The following NIPAL2 variants were observed in gnomAD, a reference collection of about 807,000 sequenced individuals.
The protein encoded by NIPAL2 is NIPA like domain containing 2.
In NIPAL2, 43 loss-of-function variants were observed where a neutral mutation model predicts 48.9. The ratio of observed to expected loss-of-function variants is 0.88; its 90% CI spans 0.69 to 1.13. The LOEUF (loss-of-function observed/expected upper bound fraction) is 1.13. Ranked by LOEUF, NIPAL2 falls within the 50% of genes most tolerant of loss-of-function variation. NIPAL2 has a pLI of 0.00. For synonymous variants in NIPAL2, 167 were observed against 174.6 expected, an observed-to-expected ratio of 0.96 and a Z score of 0.34; for missense variants, 446 against 461.4, an observed-to-expected ratio of 0.97 and a Z score of 0.31.
intron 1 of NIPAL2, among the ~76,000 whole-genome samples, chr8:98,285,503 G>C (rs1434638846): frequency 6.6e-6 from 1 of 152,084 alleles, no homozygotes; most frequent in Non-Finnish European, 1.5e-5. Context: ...TTCTTCCAGG[G>C]GGGTGAAAGG....
chr8:98,208,127 A>G (rs903403455), intron 6 of NIPAL2, among the ~76,000 whole-genome samples: 3 of 152,288 alleles, frequency 2.0e-5, no homozygotes, highest in Non-Finnish European at 4.4e-5. Flanking sequence ...ACAGTGCTCA[A>G]TTGCACAGAT....
intron 8 of NIPAL2, among the ~76,000 whole-genome samples, chr8:98,200,686 T>A (rs1810756735): frequency 6.6e-6 from 1 of 152,228 alleles, no homozygotes; most frequent in African/African-American, 2.4e-5. Context: ...TTTAATTTTT[T>A]GAGGAACTGC....
chr8:98,243,086 AG>A, intron 3 of NIPAL2, among the ~76,000 whole-genome samples: 1 of 152,308 alleles, frequency 6.6e-6, no homozygotes, highest in Middle Eastern at 3.4e-3. Flanking sequence ...ACCTTCTTCT[AG>A]TGTTTCCTTT....
intron 3 of NIPAL2, among the ~76,000 whole-genome samples, chr8:98,242,192 T>C (rs915371511): frequency 6.6e-6 from 1 of 152,194 alleles, no homozygotes; most frequent in Non-Finnish European, 1.5e-5. Context: ...AAAAGTTCTT[T>C]TTTTTGAGAC....
At chr8:98,233,769 A>G (rs1270247151) in intron 4 of NIPAL2, among the ~76,000 whole-genome samples, 1 of 152,206 alleles carries the variant, frequency 6.6e-6, no homozygotes, top group East Asian at 1.9e-4. Flanking sequence ...TACAACTTGC[A>G]TTTATTTTTT....
rs1196434027 is a variant in NIPAL2 at position 98,262,057 on chromosome 8, A to C, written c.136-7970T>G. On this transcript the variant is annotated intron_variant, in intron 1 of 10. Coordinates refer to ENST00000430223, the MANE Select transcript of NIPAL2 (RefSeq NM_001321635.2). Reference sequence around the variant, plus strand: ...TTCATAAGCGAAGGAGAAATAAAATACTTTACAGACAAGCAAATGCTGAGA... The same window carrying C: ...TTCATAAGCGAAGGAGAAATAAAATCCTTTACAGACAAGCAAATGCTGAGA... Among the ~76,000 whole-genome samples, 37 of 133,390 alleles carry C rather than the reference A, an allele frequency of 2.8e-4. No homozygotes were observed. The East Asian group carries it at 2.8e-3, about 10-fold the overall frequency. 87.5% of individuals were successfully genotyped at this position (133,390 alleles called of 152,430 possible).
intron 3 of NIPAL2, among the ~76,000 whole-genome samples, chr8:98,237,865 C>T (rs1190336277): frequency 6.6e-6 from 1 of 152,184 alleles, no homozygotes; most frequent in Admixed American, 6.5e-5. Flanking sequence ...TTTCACTACA[C>T]CTAAGATTTA....
At chr8:98,223,230 G>A (rs992517484) in intron 4 of NIPAL2, among the ~76,000 whole-genome samples, 5 of 152,124 alleles carry the variant, frequency 3.3e-5, no homozygotes, top group African/African-American at 1.2e-4. Flanking sequence ...AGAATTCCAA[G>A]GTTAGCTTAG....
chr8:98,246,675 G>A (rs1413737307), intron 3 of NIPAL2, among the ~76,000 whole-genome samples: 1 of 152,050 alleles, frequency 6.6e-6, no homozygotes, highest in East Asian at 1.9e-4. Flanking sequence ...TTATTACTTT[G>A]TCTAAAGTAT....
intron 1 of NIPAL2, among the ~76,000 whole-genome samples, chr8:98,286,356 C>T (rs75132763): frequency 9.5e-4 from 145 of 152,312 alleles, no homozygotes; most frequent in African/African-American, 3.5e-3. Flanking sequence ...TTATGCAGAC[C>T]TGGTATGACC....
At chr8:98,202,113 C>T (rs1170421060) in intron 8 of NIPAL2, among the ~76,000 whole-genome samples, 1 of 152,154 alleles carries the variant, frequency 6.6e-6, no homozygotes, top group Admixed American at 6.5e-5. Context: ...AGTTTTAATG[C>T]TATCATGCCT....
chr8:98,216,347 C>T (rs1425585268), intron 5 of NIPAL2, among the ~76,000 whole-genome samples: 1 of 152,158 alleles, frequency 6.6e-6, no homozygotes, highest in Non-Finnish European at 1.5e-5. Context: ...TAACAGTGGC[C>T]CATGTATACG....
chr8:98,203,164 G>A lies in NIPAL2; in HGVS notation c.824C>T (p.Thr275Met), dbSNP rs145862248. The change falls in exon 8 of 11, where the codon ACG becomes ATG. Residue 275 changes from threonine (T) to methionine (M), a missense_variant. Thr to Met is a moderately conservative substitution (Grantham distance 81). Transcript: ENST00000430223. ...ATGATTAACTGGCACCACTGTTGTC[G>A]TATTGTAGAGTTTCGTGGCTTGATT... ...FLNQATKLYN[T>M]TTVVPVNHIF... is the part of the protein sequence containing the mutation. 5.1e-5 allele frequency: 83 copies of A among 1,614,098 alleles called. No individual in the cohort carries two copies. Among genetic ancestry groups the A allele is most frequent in the Admixed American group, 1.7e-4 (10 of 60,020 alleles).
Position 98,236,217 on chromosome 8 carries a change from A to G in NIPAL2, c.377-3T>C, listed in dbSNP as rs765813536. 4 of 1,597,454 alleles carry G rather than the reference A, an allele frequency of 2.5e-6. No individual in the cohort carries two copies. The South Asian group carries it at 4.5e-5, about 18-fold the overall frequency. On this transcript the variant is annotated splice_region_variant and splice_polypyrimidine_tract_variant and intron_variant, in intron 3 of 10. Coordinates refer to ENST00000430223, the MANE Select transcript of NIPAL2 (RefSeq NM_001321635.2). The stretch of plus-strand genomic sequence containing the variant: ...TGTAACAGAAATAATGGCACTACCT[A>G]TAAAGAAAATGGCCATTAGTGGTAG...
In NIPAL2 at chr8:98,205,260, C is replaced by CA. The variant is rs748261007; in HGVS notation, c.656-15dup. On this transcript the variant is annotated splice_polypyrimidine_tract_variant and intron_variant, in intron 6 of 10. Transcript: ENST00000430223. Reference sequence around the variant, plus strand: ...CAGTCAATGAGGCTGAAAAAGAAAACAAAAAACACAAATAAAGAACATATT... The same window carrying CA: ...CAGTCAATGAGGCTGAAAAAGAAAACAAAAAAACACAAATAAAGAACATATT... 3.8e-6 allele frequency: 6 copies of CA among 1,593,910 alleles called. No homozygotes were observed. Among genetic ancestry groups the CA allele is most frequent in the Non-Finnish European group, 4.3e-6 (5 of 1,173,120 alleles).
Position 98,279,062 on chromosome 8 carries a change from T to A in NIPAL2, c.135+14941A>T, listed in dbSNP as rs184678177. Among the ~76,000 whole-genome samples the A allele has an allele frequency of 2.6e-5, 4 of 152,200 alleles. No individual in the cohort carries two copies. In the East Asian group the frequency reaches 5.8e-4, roughly 22 times the overall value. On this transcript the variant is annotated intron_variant, in intron 1 of 10. Coordinates refer to ENST00000430223, the MANE Select transcript of NIPAL2 (RefSeq NM_001321635.2). Reference sequence around the variant, plus strand: ...ATCCTCTGTATAAACTGATACATCTTATTCTATATTTTTTCTGAAATTTTG... The same window carrying A: ...ATCCTCTGTATAAACTGATACATCTAATTCTATATTTTTTCTGAAATTTTG...
chr8:98,207,928 A>G (rs911022181), intron 6 of NIPAL2, among the ~76,000 whole-genome samples: 19 of 152,066 alleles, frequency 1.2e-4, no homozygotes, highest in African/African-American at 4.6e-4. Context: ...TTTAGGTTGT[A>G]TCCATTTTTT....
At chr8:98,226,285 T>C (rs2262491) in intron 4 of NIPAL2, among the ~76,000 whole-genome samples, 10,213 of 152,168 alleles carry the variant, frequency 0.067, 422 homozygotes, top group Middle Eastern at 0.14. Context: ...GAATGTTTGT[T>C]AGTGTCTGGG....
At chr8:98,231,897 T>C (rs1261625780) in intron 4 of NIPAL2, 1 of 152,206 alleles carries the variant, frequency 6.6e-6, no homozygotes, top group Non-Finnish European at 1.5e-5. Context: ...TTACACATTT[T>C]GATAATTTAA....
Sources: allele counts gnomAD v4.1 joint callset (sites outside exome capture counted in the v4.1 genomes callset), GRCh38; gene constraint gnomAD v4.1.1; transcripts MANE v1.5; gene names NCBI Gene and HGNC (gene_info 2026-07-23, HGNC 2026-07-21).